MYO1B: variants seen among roughly 807,000 people sequenced by gnomAD.
MYO1B encodes myosin IB, also known as unconventional myosin-Ib.
MYO1B carries 72 observed loss-of-function variants against 159.7 expected under a neutral mutation model. The observed-to-expected ratio is 0.45, with a 90% CI of 0.37 to 0.55. The LOEUF is 0.55. Ranked by LOEUF, MYO1B falls within the 20% of genes least tolerant of loss-of-function variation. The probability of loss-of-function intolerance (pLI) is 0.00; values close to 1 mark genes in which losing one functional copy is unlikely to be tolerated. For synonymous variants in MYO1B, 468 were observed against 473.8 expected, an observed-to-expected ratio of 0.99 and a Z score of 0.16; for missense variants, 1,062 against 1,364.8, an observed-to-expected ratio of 0.78 and a Z score of 3.50.
intron 11 of MYO1B, among the ~76,000 whole-genome samples, chr2:191,368,705 C>T (rs565205037): frequency 1.6e-4 from 24 of 152,248 alleles, no homozygotes; most frequent in Non-Finnish European, 3.1e-4. Flanking sequence ...GGCATGGTGG[C>T]TCATGCCTCT....
At chr2:191,277,158 C>T in intron 2 of MYO1B, 128 bp downstream of exon 2, 2 of 1,152,038 alleles carry the variant, frequency 1.7e-6, no homozygotes, top group Non-Finnish European at 2.4e-6. Context: ...TGCTTTATAC[C>T]CTCAGAAAGA....
chr2:191,336,288 G>GTA (rs1387078680), intron 4 of MYO1B, among the ~76,000 whole-genome samples: 1 of 152,002 alleles, frequency 6.6e-6, no homozygotes, highest in Non-Finnish European at 1.5e-5. Context: ...ATGACCTTAT[G>GTA]TATCTGCAGT....
At chr2:191,387,158 T>A in intron 16 of MYO1B, 66 bp from the exon 17 acceptor site, 1 of 1,482,616 alleles carries the variant, frequency 6.7e-7, no homozygotes, top group African/African-American at 1.4e-5. Context: ...TTGGAGTATT[T>A]TTAATAGTTG....
intron 10 of MYO1B, 138 bp downstream of exon 10, chr2:191,364,013 C>A: frequency 7.9e-7 from 1 of 1,273,200 alleles, no homozygotes; most frequent in Non-Finnish European, 1.1e-6. Flanking sequence ...AGAAATAGAA[C>A]TGTGGCTAAG....
At chr2:191,414,971 C>G (rs1697471595) in intron 29 of MYO1B, among the ~76,000 whole-genome samples, 1 of 152,156 alleles carries the variant, frequency 6.6e-6, no homozygotes, top group Non-Finnish European at 1.5e-5. Context: ...TAATGTTCAT[C>G]TCTAATCTGG....
In MYO1B at chr2:191,246,171, C is replaced by A. The variant is rs369382384; in HGVS notation, c.-10+545C>A. The A allele has an allele frequency of 6.3e-4, 96 of 152,368 alleles. 1 individual carries two copies. In the East Asian group the frequency reaches 0.01, roughly 17 times the overall value. 9.4% of individuals were successfully genotyped at this position (152,368 alleles called of 1,614,324 possible). The stretch of plus-strand genomic sequence containing the variant: ...TGCAGCTGCGCTCGCCTCCTTTGTT[C>A]CGCCGCAGCGGAGGGGGTTGCCCTG... On this transcript the variant is annotated intron_variant, in intron 1 of 30. Coordinates refer to ENST00000392318, the MANE Select transcript of MYO1B (RefSeq NM_001130158.3).
chr2:191,391,559 G>A (rs1415890590), intron 18 of MYO1B, among the ~76,000 whole-genome samples: 1 of 152,148 alleles, frequency 6.6e-6, no homozygotes, highest in Non-Finnish European at 1.5e-5. Flanking sequence ...CTGCAGGTGG[G>A]TGGAGTGAGG....
chr2:191,345,686 T>TA (rs1328187664), intron 5 of MYO1B, among the ~76,000 whole-genome samples: 2 of 152,242 alleles, frequency 1.3e-5, no homozygotes, highest in African/African-American at 4.8e-5. Context: ...ACTTGTAGCC[T>TA]ATTGGAAATG....
At chr2:191,283,152 C>T (rs565424148) in intron 2 of MYO1B, among the ~76,000 whole-genome samples, 2 of 152,200 alleles carry the variant, frequency 1.3e-5, no homozygotes, top group Non-Finnish European at 2.9e-5. Flanking sequence ...TTTCCTACAG[C>T]CTTTGGTGAT....
At chr2:191,402,817 G>A (rs1373646851) in intron 24 of MYO1B, 99 bp downstream of exon 24, 6 of 882,308 alleles carry the variant, frequency 6.8e-6, no homozygotes, top group Non-Finnish European at 8.6e-6. Context: ...CTGATGGTCT[G>A]CACAGTCTTG....
chr2:191,394,183 A>C (rs1003833530), intron 20 of MYO1B, among the ~76,000 whole-genome samples: 1 of 152,226 alleles, frequency 6.6e-6, no homozygotes, highest in Non-Finnish European at 1.5e-5. Context: ...ATAAGTCTTA[A>C]AATATGAGTC....
chr2:191,255,454 A>G (rs1686381729), intron 1 of MYO1B, among the ~76,000 whole-genome samples: 1 of 152,208 alleles, frequency 6.6e-6, no homozygotes, highest in Non-Finnish European at 1.5e-5. Flanking sequence ...ACATTCACAC[A>G]GCTGCCTGAA....
At position 191,378,786 on chromosome 2, in the gene MYO1B, T is replaced by C. The variant is rs192174039; in HGVS notation, c.1186-2676T>C. 1.8e-3 allele frequency among the ~76,000 whole-genome samples: 274 copies of C among 152,146 alleles called. 2 individuals carry two copies. Among genetic ancestry groups the C allele is most frequent in the South Asian group, 2.3e-3 (11 of 4,808 alleles). On this transcript the variant is annotated intron_variant, in intron 13 of 30. Coordinates refer to ENST00000392318, the MANE Select transcript of MYO1B (RefSeq NM_001130158.3). The stretch of plus-strand genomic sequence containing the variant: ...TTTTTCAGGGCTGCTTCAAGCGGGA[T>C]TGGGGCAGTGTGGGAACCTACAGTG...
intron 13 of MYO1B, among the ~76,000 whole-genome samples, chr2:191,379,846 A>G (rs756810608): frequency 6.6e-6 from 1 of 152,234 alleles, no homozygotes; most frequent in African/African-American, 2.4e-5. Context: ...TAATAATAAT[A>G]AGGCATCTAT....
At chr2:191,369,211 G>A (rs1353182364) in intron 11 of MYO1B, among the ~76,000 whole-genome samples, 1 of 152,016 alleles carries the variant, frequency 6.6e-6, no homozygotes, top group Non-Finnish European at 1.5e-5. Flanking sequence ...ATTACTCTCA[G>A]TGCATGTTTC....
intron 3 of MYO1B, among the ~76,000 whole-genome samples, chr2:191,327,091 T>TA (rs926595386): frequency 6.6e-6 from 1 of 152,136 alleles, no homozygotes; most frequent in Non-Finnish European, 1.5e-5. Flanking sequence ...GGAAGGCTCA[T>TA]AAAAAAATCT....
chr2:191,357,919 G>A, intron 7 of MYO1B, among the ~76,000 whole-genome samples: 1 of 152,178 alleles, frequency 6.6e-6, no homozygotes, highest in East Asian at 1.9e-4. Flanking sequence ...GGAAGCTTGT[G>A]ACTTATGAGA....
intron 11 of MYO1B, among the ~76,000 whole-genome samples, chr2:191,368,921 C>T (rs1458258076): frequency 1.3e-5 from 2 of 152,060 alleles, no homozygotes; most frequent in Non-Finnish European, 2.9e-5. Context: ...TTGCAGTGAG[C>T]TGAGATTGTG....
chr2:191,391,184 G>A (rs190334524), intron 18 of MYO1B, among the ~76,000 whole-genome samples: 1 of 152,332 alleles, frequency 6.6e-6, no homozygotes, highest in East Asian at 1.9e-4. Context: ...TCACCAGAGA[G>A]GCTGCTCCTC....
Sources: gnomAD v4.1 joint callset for allele counts (sites outside exome capture counted in the v4.1 genomes callset) on GRCh38, gnomAD v4.1.1 for gene constraint, MANE v1.5 for transcripts, NCBI Gene and HGNC (gene_info 2026-07-23, HGNC 2026-07-21) for gene names.